PURG: variants seen among roughly 807,000 people sequenced by gnomAD.
PURG encodes the protein purine-rich element-binding protein gamma.
In PURG, 3 loss-of-function variants were observed where a neutral mutation model predicts 24.3. That is an observed-to-expected ratio of 0.12 (90% CI 0.06 to 0.32). PURG has a LOEUF of 0.32. Ranked by LOEUF, PURG falls within the 10% of genes least tolerant of loss-of-function variation. The pLI is 1.00. For synonymous variants in PURG, 180 were observed against 173.1 expected (o/e 1.04, Z -0.31); for missense variants, 371 against 439.1 (o/e 0.84, Z 1.39).
intron 1 of PURG, among the ~76,000 whole-genome samples, chr8:31,008,945 A>C (rs2129792642): frequency 6.6e-6 from 1 of 152,280 alleles, no homozygotes; most frequent in East Asian, 1.9e-4. Context: ...CCATTGCTTA[A>C]GGGGGTAGAG....
intron 1 of PURG, among the ~76,000 whole-genome samples, chr8:31,020,682 T>A (rs1183736455): frequency 6.6e-6 from 1 of 152,202 alleles, no homozygotes; most frequent in Non-Finnish European, 1.5e-5. Context: ...AGTTGCTTGT[T>A]TCAAGATTTG....
chr8:31,008,540 G>A (rs1262588649), intron 1 of PURG, among the ~76,000 whole-genome samples: 1 of 152,208 alleles, frequency 6.6e-6, no homozygotes, highest in African/African-American at 2.4e-5. Context: ...CTGACCTCAA[G>A]TGAGGCCCAC....
chr8:31,003,795 A>C (rs549145999), intron 1 of PURG, among the ~76,000 whole-genome samples: 2 of 152,196 alleles, frequency 1.3e-5, no homozygotes, highest in East Asian at 1.9e-4. Flanking sequence ...AACAAAAAAA[A>C]CACCATACTA....
At chr8:31,030,130 C>A (rs371054372), downstream of PURG, among the ~76,000 whole-genome samples, 1 of 151,768 alleles carries the variant, frequency 6.6e-6, no homozygotes. Context: ...AGTGACCTCA[C>A]GTAAAGGTAT....
downstream of PURG, among the ~76,000 whole-genome samples, chr8:31,026,246 C>G (rs967317779): frequency 6.6e-6 from 1 of 151,490 alleles, no homozygotes; most frequent in African/African-American, 2.4e-5. Context: ...TTAGGGAATA[C>G]GGTTTAAGAT....
intron 1 of PURG, among the ~76,000 whole-genome samples, chr8:30,999,913 T>G (rs911854869): frequency 1.3e-5 from 2 of 151,974 alleles, no homozygotes; most frequent in Non-Finnish European, 2.9e-5. Flanking sequence ...GACGGTTTGT[T>G]TAGGCGAATT....
chr8:31,030,732 G>A (rs1811178246), downstream of PURG: 1 of 151,722 alleles, frequency 6.6e-6, no homozygotes, highest in Non-Finnish European at 1.5e-5. Flanking sequence ...TGGTTTTAAG[G>A]GTAGCAATTG....
At chr8:31,002,241 C>T (rs897129106) in intron 1 of PURG, among the ~76,000 whole-genome samples, 8 of 151,980 alleles carry the variant, frequency 5.3e-5, no homozygotes, top group African/African-American at 1.5e-4. Context: ...TATTGAATAC[C>T]GAGAGGTAAG....
intron 1 of PURG, among the ~76,000 whole-genome samples, chr8:30,998,495 T>A (rs1810473047): frequency 6.6e-6 from 1 of 151,806 alleles, no homozygotes; most frequent in African/African-American, 2.4e-5. Context: ...AACTCAGTGC[T>A]ATCAGAAGTT....
intron 1 of PURG, among the ~76,000 whole-genome samples, chr8:31,003,992 G>C (rs1424939969): frequency 6.6e-6 from 1 of 152,064 alleles, no homozygotes; most frequent in Non-Finnish European, 1.5e-5. Flanking sequence ...GGTAACTATA[G>C]AATTTTCTTG....
intron 1 of PURG, among the ~76,000 whole-genome samples, chr8:31,018,728 G>C (rs1810920607): frequency 6.6e-6 from 1 of 152,056 alleles, no homozygotes; most frequent in Non-Finnish European, 1.5e-5. Context: ...GGTAGTAGCT[G>C]TTAAGAGAAG....
chr8:31,013,592 C>T (rs1810802705), intron 1 of PURG, among the ~76,000 whole-genome samples: 2 of 152,144 alleles, frequency 1.3e-5, no homozygotes, highest in African/African-American at 4.8e-5. Flanking sequence ...ACAAAATTAG[C>T]CAGGCATGGT....
At chr8:31,025,176 A>G (rs1173072172) in intron 1 of PURG, among the ~76,000 whole-genome samples, 1 of 152,004 alleles carries the variant, frequency 6.6e-6, no homozygotes, top group Non-Finnish European at 1.5e-5. Context: ...AAAAGAACAT[A>G]AAGTTTGAAA....
intron 1 of PURG, among the ~76,000 whole-genome samples, chr8:31,006,869 A>C (rs1006849140): frequency 2.0e-5 from 3 of 152,200 alleles, no homozygotes; most frequent in African/African-American, 7.2e-5. Context: ...AACATTACAC[A>C]TTCAATATGG....
intron 1 of PURG, among the ~76,000 whole-genome samples, chr8:31,001,554 G>C (rs943018329): frequency 6.6e-6 from 1 of 152,128 alleles, no homozygotes; most frequent in Non-Finnish European, 1.5e-5. Flanking sequence ...GCTCTTTGGG[G>C]CCAAAGACTG....
chr8:31,009,004 T>A (rs2129792824), intron 1 of PURG, among the ~76,000 whole-genome samples: 1 of 152,340 alleles, frequency 6.6e-6, no homozygotes, highest in East Asian at 1.9e-4. Flanking sequence ...AAAAGGCAAG[T>A]GTGGAACTCC....
rs1367809443 is a variant in PURG at position 31,033,284 on chromosome 8, T to C, written c.-213A>G. 2 of 159,796 alleles carry C rather than the reference T, an allele frequency of 1.3e-5. No individual in the cohort carries two copies. Among genetic ancestry groups the C allele is most frequent in the Non-Finnish European group, 2.7e-5 (2 of 73,946 alleles). The allele number at this position is 159,796 out of a possible 1,614,324, so 9.9% of individuals were successfully genotyped here. A position where few individuals can be genotyped will look rare whatever the true frequency, so the allele number is the denominator to read the frequency against. On this transcript the variant is annotated 5_prime_UTR_variant, in exon 1 of 2. Transcript: ENST00000523392. ...CCGCAGCCGCCCCTCCTGCGGCCGC[T>C]GCGGGGGCCGCCGCCTGACTTCGGA...
chr8:31,030,179 A>G (rs1047763911), downstream of PURG, among the ~76,000 whole-genome samples: 2 of 152,006 alleles, frequency 1.3e-5, no homozygotes, highest in Non-Finnish European at 2.9e-5. Context: ...TCGCTGATAT[A>G]ATTTTAAATT....
chr8:30,996,741 T>G, intron 1 of PURG: 1 of 1,399,974 alleles, frequency 7.1e-7, no homozygotes, highest in Non-Finnish European at 1.0e-6. Context: ...CATGAAGTTT[T>G]CAAGGGAGTT....
Sources: allele counts gnomAD v4.1 joint callset (sites outside exome capture counted in the v4.1 genomes callset), GRCh38; gene constraint gnomAD v4.1.1; transcripts MANE v1.5; gene names NCBI Gene and HGNC (gene_info 2026-07-23, HGNC 2026-07-21).